KIF6: variants seen among roughly 807,000 people sequenced by gnomAD.
KIF6 encodes kinesin-like protein KIF6.
In KIF6, 106 loss-of-function variants were observed where a neutral mutation model predicts 112.7. The observed-to-expected ratio is 0.94, with a 90% CI of 0.80 to 1.11. The LOEUF (loss-of-function observed/expected upper bound fraction) is 1.11, where lower values mean the gene tolerates loss of function less well. Ranked by LOEUF, KIF6 falls within the 50% of genes least tolerant of loss-of-function variation. KIF6 has a pLI of 0.00. For synonymous variants in KIF6, 339 were observed against 339.9 expected, an observed-to-expected ratio of 1.00 and a Z score of 0.03; for missense variants, 929 against 964.0, an observed-to-expected ratio of 0.96 and a Z score of 0.48.
chr6:39,583,544 T>C (rs1781415336), intron 9 of KIF6: 2 of 467,154 alleles, frequency 4.3e-6, no homozygotes, highest in African/African-American at 4.0e-5. Context: ...CCTCTGTCCT[T>C]CCATGGGGAG....
chr6:39,561,992 C>T (rs537147421), intron 10 of KIF6, among the ~76,000 whole-genome samples: 17 of 152,322 alleles, frequency 1.1e-4, no homozygotes, highest in African/African-American at 3.6e-4. Flanking sequence ...TCTTCTTTGG[C>T]TGATGACAAT....
chr6:39,662,634 G>C (rs1786222581), intron 3 of KIF6, among the ~76,000 whole-genome samples: 1 of 152,128 alleles, frequency 6.6e-6, no homozygotes, highest in Non-Finnish European at 1.5e-5. Context: ...GATTTATCTG[G>C]AGGCTAAGGC....
intron 7 of KIF6, among the ~76,000 whole-genome samples, chr6:39,589,202 A>G (rs1025939932): frequency 6.6e-6 from 1 of 152,202 alleles, no homozygotes; most frequent in African/African-American, 2.4e-5. Flanking sequence ...CATACAGCAT[A>G]CAGCTTTCTG....
chr6:39,476,361 G>A (rs1390478286), intron 13 of KIF6, among the ~76,000 whole-genome samples: 1 of 152,032 alleles, frequency 6.6e-6, no homozygotes, highest in Non-Finnish European at 1.5e-5. Flanking sequence ...GGGCAAATGT[G>A]CTCCTGAAGA....
At chr6:39,551,402 G>A (rs1779371361) in intron 10 of KIF6, among the ~76,000 whole-genome samples, 2 of 152,096 alleles carry the variant, frequency 1.3e-5, no homozygotes, top group Non-Finnish European at 1.5e-5. Context: ...AATATAGTCA[G>A]AAGGAATAAG....
At chr6:39,601,939 C>A (rs970702584) in intron 6 of KIF6, among the ~76,000 whole-genome samples, 3 of 152,078 alleles carry the variant, frequency 2.0e-5, no homozygotes, top group African/African-American at 7.2e-5. Context: ...TGCTCTCCAC[C>A]CGGTTAGGTA....
intron 13 of KIF6, among the ~76,000 whole-genome samples, chr6:39,489,825 C>G (rs1323569348): frequency 6.6e-6 from 1 of 152,148 alleles, no homozygotes. Flanking sequence ...AAATTAAGGT[C>G]TTCTTTAGAG....
chr6:39,343,948 A>C lies in KIF6; in HGVS notation c.2322-133T>G, dbSNP rs1581625906. The stretch of plus-strand genomic sequence containing the variant: ...ACATGACACGGCTGGCCTGCTTCTC[A>C]CTCCCTCCTACCTTCTCTGTGTGGC... On this transcript the variant is annotated intron_variant, in intron 21 of 22. Coordinates refer to ENST00000287152, the MANE Select transcript of KIF6 (RefSeq NM_145027.6). The surrounding 1 kb of genome is among the most constrained non-coding windows in gnomAD (Gnocchi z 4.1). 3.6e-6 allele frequency: 2 copies of C among 551,166 alleles called. No homozygotes were observed. The highest frequency in any genetic ancestry group is 6.4e-6 in the Non-Finnish European group (2 of 311,954). 34.1% of individuals were successfully genotyped at this position (551,166 alleles called of 1,614,324 possible).
At chr6:39,376,027 T>C (rs1766415448) in intron 16 of KIF6, among the ~76,000 whole-genome samples, 1 of 152,130 alleles carries the variant, frequency 6.6e-6, no homozygotes, top group African/African-American at 2.4e-5. Context: ...ACTCCCAGCC[T>C]CTCCCTTGAG....
intron 5 of KIF6, among the ~76,000 whole-genome samples, chr6:39,630,323 C>T (rs1784292107): frequency 6.6e-6 from 1 of 152,060 alleles, no homozygotes; most frequent in Non-Finnish European, 1.5e-5. Context: ...TATCCATGAA[C>T]ATGGAATATC....
At chr6:39,576,997 T>TTC (rs1396007453) in intron 10 of KIF6, among the ~76,000 whole-genome samples, 1 of 152,226 alleles carries the variant, frequency 6.6e-6, no homozygotes, top group African/African-American at 2.4e-5. Context: ...GAGGTTAGTG[T>TTC]TCTCAATATC....
intron 13 of KIF6, among the ~76,000 whole-genome samples, chr6:39,524,526 A>G (rs1270673295): frequency 1.3e-5 from 2 of 152,146 alleles, no homozygotes; most frequent in East Asian, 1.9e-4. Flanking sequence ...AGAGGAAAGT[A>G]CTCACTGTCA....
At chr6:39,583,558 G>C (rs1781416220) in intron 9 of KIF6, 1 of 461,722 alleles carries the variant, frequency 2.2e-6, no homozygotes, top group South Asian at 1.6e-5. Context: ...TGGGGAGAAA[G>C]AGGAGAAAGG....
At chr6:39,695,932 G>C (rs533351285) in intron 3 of KIF6, among the ~76,000 whole-genome samples, 10 of 152,178 alleles carry the variant, frequency 6.6e-5, no homozygotes, top group Non-Finnish European at 1.3e-4. Flanking sequence ...TAAAGAAAAT[G>C]TGGTATATAT....
At position 39,683,326 on chromosome 6, in the gene KIF6, C is replaced by T. The variant is rs577451324; in HGVS notation, c.251+31366G>A. Among the ~76,000 whole-genome samples the T allele has an allele frequency of 3.3e-5, 5 of 152,138 alleles. No individual in the cohort carries two copies. The South Asian group carries it at 6.2e-4, about 19-fold the overall frequency. ...GAAAATGGAGACAAATTGATTGATT[C>T]GGGAGATACTTTAGAGTTCAGTTGA... On this transcript the variant is annotated intron_variant, in intron 3 of 22. Coordinates refer to ENST00000287152, the MANE Select transcript of KIF6 (RefSeq NM_145027.6).
intron 3 of KIF6, among the ~76,000 whole-genome samples, chr6:39,714,174 T>C (rs1789702146): frequency 6.6e-6 from 1 of 152,182 alleles, no homozygotes; most frequent in African/African-American, 2.4e-5. Flanking sequence ...TTGGTTCTAG[T>C]AGTCAGCAGC....
chr6:39,344,477 G>C (rs534509275), intron 21 of KIF6, among the ~76,000 whole-genome samples: 1 of 152,120 alleles, frequency 6.6e-6, no homozygotes, highest in East Asian at 1.9e-4. Context: ...CCCGGGTCAG[G>C]GGCTCCAGCT....
At chr6:39,465,972 C>CT (rs970519175) in intron 13 of KIF6, among the ~76,000 whole-genome samples, 5 of 152,230 alleles carry the variant, frequency 3.3e-5, no homozygotes, top group Admixed American at 2.0e-4. Context: ...CAGAATGTCA[C>CT]TCCCTTCTTT....
chr6:39,346,514 C>T lies in KIF6; in HGVS notation c.2193G>A (p.Trp731Ter), dbSNP rs1348171505. 1.4e-6 allele frequency: 1 copy of T among 713,282 alleles called. No homozygotes were observed. Among genetic ancestry groups the T allele is most frequent in the Non-Finnish European group, 2.6e-6 (1 of 384,950 alleles). 44.2% of individuals were successfully genotyped at this position (713,282 alleles called of 1,614,324 possible). A position where few individuals can be genotyped will look rare whatever the true frequency, so the allele number is the denominator to read the frequency against. ...QLLSNKSSGG[W>*]EVQDQGTGRF... ...TGCCAGTGCCTTGATCTTGGACTTC[C>T]CAGCCTCCAGAACTGTGAAAAATAA... The change falls in exon 20 of 23, where the codon TGG becomes TGA. Residue 731 changes from tryptophan to a stop codon, truncating the protein, a stop_gained. Coordinates refer to ENST00000287152, the MANE Select transcript of KIF6 (RefSeq NM_145027.6). LOFTEE classifies it high-confidence loss of function.
Sources: gnomAD v4.1 joint callset for allele counts (sites outside exome capture counted in the v4.1 genomes callset) on GRCh38, gnomAD v4.1.1 for gene constraint, Gnocchi (gnomAD v3.1) non-coding constraint, MANE v1.5 for transcripts, NCBI Gene and HGNC (gene_info 2026-07-23, HGNC 2026-07-21) for gene names.